The following TUB variants were observed in gnomAD, a reference collection of about 807,000 sequenced individuals.
TUB encodes the protein TUB bipartite transcription factor.
Under a neutral mutation model 59.7 loss-of-function variants are expected in TUB, and 33 were observed. That is an observed-to-expected ratio of 0.55 (90% confidence interval 0.42 to 0.74). The LOEUF is 0.74. Among genes scored for constraint, TUB ranks in the 30% least tolerant of loss-of-function variants. TUB has a pLI of 0.00. For missense variants in TUB, 659 were observed against 672.0 expected (o/e 0.98, Z 0.21); for synonymous variants, 293 against 256.4 (o/e 1.14, Z -1.36).
chr11:8,095,455 C>G, intron 4 of TUB, 43 bp from the exon 5 acceptor site: 1 of 1,567,220 alleles, frequency 6.4e-7, no homozygotes, highest in Admixed American at 1.8e-5. Context: ...AGGCCCTCCT[C>G]TCCTCCTCCT....
chr11:8,019,320 C>A (rs1379101507), exon 1 of TUB: 3 of 1,280,932 alleles, frequency 2.3e-6, no homozygotes, highest in Non-Finnish European at 3.0e-6. Flanking sequence ...GAGTCAGCAG[C>A]CACCGGACCC....
intron 1 of TUB, among the ~76,000 whole-genome samples, chr11:8,085,638 C>T (rs781356541): frequency 4.6e-5 from 7 of 152,148 alleles, no homozygotes; most frequent in Non-Finnish European, 8.8e-5. Flanking sequence ...TCCACTGTGA[C>T]TGAGGGGAAA....
intron 1 of TUB, among the ~76,000 whole-genome samples, chr11:8,028,387 G>T (rs1439453577): frequency 6.6e-6 from 1 of 151,982 alleles, no homozygotes; most frequent in Admixed American, 6.6e-5. Context: ...CCCCATTGTT[G>T]TCTTCTCACT....
chr11:8,103,651 G>T lies in TUB; in HGVS notation c.*2032G>T, dbSNP rs767332005. The T allele has an allele frequency of 1.3e-5, 2 of 152,590 alleles. No homozygotes were observed. The highest frequency in any genetic ancestry group is 6.5e-5 in the Admixed American group (1 of 15,274). The allele number at this position is 152,590 out of a possible 1,614,324, so 9.5% of individuals were successfully genotyped here. On this transcript the variant is annotated 3_prime_UTR_variant, in exon 12 of 12. Coordinates refer to ENST00000299506, the MANE Select transcript of TUB (RefSeq NM_177972.3). ...GCACTAGAACTTTGTGCCAGCGCTG[G>T]CGAGATACCATGGTGCCATCCTCCT...
chr11:8,024,120 A>G (rs1942468967), intron 1 of TUB, among the ~76,000 whole-genome samples: 2 of 152,218 alleles, frequency 1.3e-5, no homozygotes, highest in Admixed American at 6.5e-5. Context: ...TTCATGGCCT[A>G]CCAGCCTTTT....
chr11:8,057,693 A>G (rs540214021), intron 2 of TUB, among the ~76,000 whole-genome samples: 2 of 152,106 alleles, frequency 1.3e-5, no homozygotes, highest in Non-Finnish European at 2.9e-5. Context: ...AATAAAACTT[A>G]TTTGTGGAGG....
rs756724213 is a variant in TUB at position 8,097,398 on chromosome 11, G to C, written c.858G>C (p.Leu286=). ...GGGGCATGTACCCCACCTACTTTCT[G>C]CACCTGGACCGTGAGGATGGGAAGA... ...MDRGMYPTYF[L]HLDREDGKKV... Residue 286 remains leucine (L), a synonymous_variant, in exon 7 of 12, where the codon CTG becomes CTC. Coordinates refer to ENST00000299506, the MANE Select transcript of TUB (RefSeq NM_177972.3). The C allele has an allele frequency of 1.2e-6, 2 of 1,614,084 alleles. No individual in the cohort carries two copies. Among genetic ancestry groups the C allele is most frequent in the African/African-American group, 2.7e-5 (2 of 74,932 alleles).
At chr11:8,092,372 G>A (rs1943805000) in intron 3 of TUB, among the ~76,000 whole-genome samples, 2 of 152,044 alleles carry the variant, frequency 1.3e-5, no homozygotes, top group Non-Finnish European at 2.9e-5. Context: ...AGTGAGCTAT[G>A]ATCGTGCCAC....
intron 9 of TUB, 130 bp downstream of exon 9, chr11:8,099,005 G>A (rs559382717): frequency 6.9e-5 from 50 of 729,298 alleles, no homozygotes; most frequent in Admixed American, 1.7e-4. Flanking sequence ...GCTGTCCTCT[G>A]TGGAGTGTTC....
At chr11:8,059,450 A>C (rs1026652773) in intron 2 of TUB, among the ~76,000 whole-genome samples, 4 of 152,174 alleles carry the variant, frequency 2.6e-5, no homozygotes, top group Non-Finnish European at 5.9e-5. Context: ...TGCAGCATCC[A>C]CAGATTTGTG....
chr11:8,081,340 G>T lies in TUB; in HGVS notation c.-171G>T, dbSNP rs1285918403. On this transcript the variant is annotated 5_prime_UTR_variant, in exon 1 of 12. Transcript: ENST00000299506. ...CGCCGCGCCGCGCAGGCAGCCGCTC[G>T]CAGAGCCAGCAGCCGGGGCCCTGGC... 1.1e-5 allele frequency: 11 copies of T among 984,370 alleles called. No individual in the cohort carries two copies. In the East Asian group the frequency reaches 5.6e-4, roughly 50 times the overall value. 61.0% of individuals were successfully genotyped at this position (984,370 alleles called of 1,614,324 possible). A position where few individuals can be genotyped will look rare whatever the true frequency, so the allele number is the denominator to read the frequency against.
At chr11:8,072,913 ATCT>A (rs1943384589) in intron 2 of TUB, among the ~76,000 whole-genome samples, 1 of 152,228 alleles carries the variant, frequency 6.6e-6, no homozygotes, top group Non-Finnish European at 1.5e-5. Flanking sequence ...AACTATAATC[ATCT>A]TCTTTTGTCT....
chr11:8,092,785 C>A (rs1943822054), intron 3 of TUB, among the ~76,000 whole-genome samples: 1 of 152,152 alleles, frequency 6.6e-6, no homozygotes, highest in Non-Finnish European at 1.5e-5. Context: ...CTGGTGTTTC[C>A]AGGCCACTCC....
rs551815575 is a variant in TUB at position 8,027,795 on chromosome 11, G to A, written c.56+8437G>A. Among the ~76,000 whole-genome samples, 142 of 152,314 alleles carry A rather than the reference G, an allele frequency of 9.3e-4. 1 individual carries two copies. The highest frequency in any genetic ancestry group is 2.8e-3 in the African/African-American group (117 of 41,560). On this transcript the variant is annotated intron_variant, in intron 1 of 11. Transcript: ENST00000534099. ...CTCCCCAGGTGCTGGGATTACAGGC[G>A]TGAGCCACTGTGCACAGCCAGCATT...
chr11:8,044,974 T>A (rs1333169979), intron 2 of TUB, among the ~76,000 whole-genome samples: 3 of 152,210 alleles, frequency 2.0e-5, no homozygotes, highest in East Asian at 3.8e-4. Context: ...CCGATATGTT[T>A]ACCTGCCAGG....
chr11:8,039,638 T>A, intron 1 of TUB: 1 of 1,489,628 alleles, frequency 6.7e-7, no homozygotes, highest in East Asian at 2.6e-5. Flanking sequence ...CTTCTTTTCC[T>A]CCTCAGGAGA....
rs371516714 is a variant in TUB, at chr11:8,039,039, A to C, written c.155+11A>C. The C allele has an allele frequency of 2.5e-6, 4 of 1,611,256 alleles. No individual in the cohort carries two copies. The highest frequency in any genetic ancestry group is 2.2e-5 in the East Asian group (1 of 44,866). ...CCACCGAAGAGATCGGTAAGCTTTC[A>C]ACATCCTGCCTTTAGCCCATGGGCC... is the stretch of plus-strand genomic sequence containing the variant. On this transcript the variant is annotated intron_variant, in intron 1 of 12. Coordinates refer to the TUB transcript ENST00000305253.
intron 2 of TUB, chr11:8,075,790 C>T (rs1943439203): frequency 6.6e-6 from 1 of 152,180 alleles, no homozygotes; most frequent in South Asian, 2.1e-4. Context: ...GGCCAGCTGC[C>T]TGTGGGGACC....
In TUB at chr11:8,105,566, T is replaced by C. The variant is rs1045325185; in HGVS notation, c.*3947T>C. The C allele has an allele frequency of 1.8e-4, 28 of 152,354 alleles. No individual in the cohort carries two copies. The highest frequency in any genetic ancestry group is 6.5e-4 in the African/African-American group (27 of 41,576). The allele number at this position is 152,354 out of a possible 1,614,324, so 9.4% of individuals were successfully genotyped here. ...AAAGCACTACTGCACTTAGTAGCTA[T>C]GTGATTTTGAGCAAACCACATAATC... is the stretch of plus-strand genomic sequence containing the variant. On this transcript the variant is annotated 3_prime_UTR_variant, in exon 12 of 12. Coordinates refer to ENST00000299506, the MANE Select transcript of TUB (RefSeq NM_177972.3).
Sources: allele counts gnomAD v4.1 joint callset (sites outside exome capture counted in the v4.1 genomes callset), GRCh38; gene constraint gnomAD v4.1.1; transcripts MANE v1.5; gene names NCBI Gene and HGNC (gene_info 2026-07-23, HGNC 2026-07-21).